The following CACNA2D3 variants were observed in gnomAD, a reference collection of about 807,000 sequenced individuals.
The protein encoded by CACNA2D3 is calcium voltage-gated channel auxiliary subunit alpha2delta 3.
A neutral mutation model predicts 160.6 loss-of-function variants in CACNA2D3; 60 were observed. That is an observed-to-expected ratio of 0.37 (90% CI 0.30 to 0.46). CACNA2D3 has a LOEUF of 0.46. CACNA2D3 is among the 20% of genes least tolerant of loss of function. The probability of loss-of-function intolerance (pLI) is 1.00; values close to 1 mark genes in which losing one functional copy is unlikely to be tolerated. For synonymous variants in CACNA2D3, 558 were observed against 492.9 expected (o/e 1.13, Z -1.75); for missense variants, 1,205 against 1,365.0 (o/e 0.88, Z 1.85).
intron 2 of CACNA2D3, among the ~76,000 whole-genome samples, chr3:54,178,537 A>T (rs933882488): frequency 2.6e-5 from 4 of 152,080 alleles, no homozygotes; most frequent in Admixed American, 1.3e-4. Context: ...GAAAAAGGCG[A>T]AGTTGAGTGG....
intron 3 of CACNA2D3, among the ~76,000 whole-genome samples, chr3:54,330,376 C>G (rs1252238395): frequency 6.6e-6 from 1 of 151,996 alleles, no homozygotes; most frequent in African/African-American, 2.4e-5. Flanking sequence ...TCTCTAGTAC[C>G]TCTGCAAAGC....
At chr3:54,579,732 G>A (rs1702643510) in intron 8 of CACNA2D3, among the ~76,000 whole-genome samples, 3 of 152,204 alleles carry the variant, frequency 2.0e-5, no homozygotes, top group Admixed American at 2.0e-4. Flanking sequence ...GTCCAACAGA[G>A]ATTGAGAGCT....
At chr3:54,889,369 G>C (rs1051429503) in intron 24 of CACNA2D3, among the ~76,000 whole-genome samples, 1 of 152,206 alleles carries the variant, frequency 6.6e-6, no homozygotes. Context: ...GGTTCGTACA[G>C]TTTTCCCAGG....
At chr3:54,350,592 T>C (rs1415094520) in intron 3 of CACNA2D3, among the ~76,000 whole-genome samples, 1 of 152,230 alleles carries the variant, frequency 6.6e-6, no homozygotes, top group Admixed American at 6.5e-5. Flanking sequence ...ATTTTGTGCA[T>C]GCTTTATTGG....
chr3:54,625,178 A>G (rs1007965953), intron 9 of CACNA2D3, among the ~76,000 whole-genome samples: 6 of 152,162 alleles, frequency 3.9e-5, no homozygotes, highest in African/African-American at 1.4e-4. Context: ...TCCCCTGAAG[A>G]CTTAGCTCCC....
At position 54,581,717 on chromosome 3, in the gene CACNA2D3, G is replaced by T. The variant is rs1702680992; in HGVS notation, c.889-86G>T. On this transcript the variant is annotated intron_variant, in intron 8 of 37. Transcript: ENST00000474759. Reference sequence around the variant, plus strand: ...GAGCCTGTGATTGTGCCGCTTTTTTGTTTGTGTGCGTACCTCCTTAAATTA... The same window carrying T: ...GAGCCTGTGATTGTGCCGCTTTTTTTTTTGTGTGCGTACCTCCTTAAATTA... 8 of 1,070,412 alleles carry T rather than the reference G, an allele frequency of 7.5e-6. No homozygotes were observed. In the South Asian group the frequency reaches 8.4e-5, roughly 11 times the overall value. The allele number at this position is 1,070,412 out of a possible 1,614,324, so 66.3% of individuals were successfully genotyped here. A position where few individuals can be genotyped will look rare whatever the true frequency, so the allele number is the denominator to read the frequency against.
chr3:54,300,423 A>G (rs1703447107), intron 2 of CACNA2D3, among the ~76,000 whole-genome samples: 1 of 152,230 alleles, frequency 6.6e-6, no homozygotes. Flanking sequence ...TCATTAATTT[A>G]CAAAGGATTA....
At chr3:54,515,678 A>G (rs999723653) in intron 5 of CACNA2D3, among the ~76,000 whole-genome samples, 2 of 152,176 alleles carry the variant, frequency 1.3e-5, no homozygotes, top group South Asian at 2.1e-4. Context: ...TGGCCTGGGA[A>G]AAGAGAAATG....
intron 3 of CACNA2D3, among the ~76,000 whole-genome samples, chr3:54,368,546 G>C (rs902120637): frequency 4.2e-5 from 6 of 142,392 alleles, no homozygotes; most frequent in Non-Finnish European, 7.6e-5. Context: ...AACAGAGACA[G>C]AGAGGGAGAG....
At chr3:54,125,500 G>A (rs940406956) in intron 2 of CACNA2D3, among the ~76,000 whole-genome samples, 1 of 152,122 alleles carries the variant, frequency 6.6e-6, no homozygotes, top group Non-Finnish European at 1.5e-5. Flanking sequence ...AATCTGATGC[G>A]AGGGAAAGGT....
intron 2 of CACNA2D3, among the ~76,000 whole-genome samples, chr3:54,148,268 A>G (rs1197499635): frequency 1.3e-5 from 2 of 152,208 alleles, no homozygotes; most frequent in South Asian, 2.1e-4. Flanking sequence ...AAGGGCTCAC[A>G]ATGTGGAGGG....
At chr3:54,860,199 G>A (rs2106798966) in intron 17 of CACNA2D3, among the ~76,000 whole-genome samples, 1 of 151,728 alleles carries the variant, frequency 6.6e-6, no homozygotes, top group East Asian at 1.9e-4. Flanking sequence ...GAGGAGAGAA[G>A]TCAGACCAAG....
chr3:55,053,253 A>G (rs1388909166), intron 35 of CACNA2D3, among the ~76,000 whole-genome samples: 3 of 152,086 alleles, frequency 2.0e-5, no homozygotes, highest in South Asian at 2.1e-4. Flanking sequence ...GGAATCATAC[A>G]GTATGTATTC....
chr3:54,712,425 A>G (rs1700968570), intron 11 of CACNA2D3, among the ~76,000 whole-genome samples: 2 of 152,126 alleles, frequency 1.3e-5, no homozygotes, highest in Admixed American at 6.5e-5. Context: ...ACCTGGTGGG[A>G]AGTAGTTGAA....
chr3:54,253,699 T>A (rs1356034694), intron 2 of CACNA2D3, among the ~76,000 whole-genome samples: 1 of 152,186 alleles, frequency 6.6e-6, no homozygotes, highest in Non-Finnish European at 1.5e-5. Flanking sequence ...TGTACCCATA[T>A]GTGCCTTTTG....
At chr3:54,822,831 CT>C (rs370970141) in intron 14 of CACNA2D3, among the ~76,000 whole-genome samples, 6,586 of 56,930 alleles carry the variant, frequency 0.12, 481 homozygotes, top group African/African-American at 0.19. Flanking sequence ...TTCTTTCTTT[CT>C]TTTCTTTCTT....
chr3:54,317,289 A>G (rs1703884986), intron 2 of CACNA2D3, among the ~76,000 whole-genome samples: 1 of 152,242 alleles, frequency 6.6e-6, no homozygotes, highest in Non-Finnish European at 1.5e-5. Context: ...AGGCCAATCC[A>G]GTCAACCTCC....
intron 16 of CACNA2D3, among the ~76,000 whole-genome samples, chr3:54,842,331 C>T (rs1216144788): frequency 1.3e-5 from 2 of 152,128 alleles, no homozygotes; most frequent in Non-Finnish European, 2.9e-5. Context: ...AGCAAATTGG[C>T]TTCTCCTTTT....
intron 2 of CACNA2D3, among the ~76,000 whole-genome samples, chr3:54,281,096 G>T (rs1702869564): frequency 1.3e-5 from 2 of 152,194 alleles, no homozygotes; most frequent in South Asian, 4.1e-4. Context: ...GCTGGCTGAG[G>T]CCCTGGCTCC....
Sources: allele counts gnomAD v4.1 joint callset (sites outside exome capture counted in the v4.1 genomes callset), GRCh38; gene constraint gnomAD v4.1.1; transcripts MANE v1.5; gene names NCBI Gene and HGNC (gene_info 2026-07-23, HGNC 2026-07-21).